The following SOS1 variants were observed in gnomAD, a reference collection of about 807,000 sequenced individuals.
SOS1 encodes the protein SOS Ras/Rac guanine nucleotide exchange factor 1, also known as son of sevenless homolog 1.
In SOS1, 25 loss-of-function variants were observed where a neutral mutation model predicts 157.6. That is an observed-to-expected ratio of 0.16 (90% CI 0.12 to 0.22). The LOEUF is 0.22. Among genes scored for constraint, SOS1 ranks in the 10% least tolerant of loss-of-function variants. The pLI, the probability that SOS1 is intolerant of heterozygous loss-of-function variation, is 1.00. For synonymous variants in SOS1, 528 were observed against 534.0 expected (o/e 0.99, Z 0.16); for missense variants, 1,237 against 1,599.1 (o/e 0.77, Z 3.86).
intron 1 of SOS1, among the ~76,000 whole-genome samples, chr2:39,094,646 C>T (rs1157445479): frequency 2.8e-5 from 3 of 107,250 alleles, no homozygotes; most frequent in African/African-American, 9.9e-5. Flanking sequence ...GAGCAAGACT[C>T]GGTCTCAAAT....
chr2:39,067,812 A>T, intron 1 of SOS1, 59 bp from the exon 2 acceptor site: 2 of 1,503,502 alleles, frequency 1.3e-6, no homozygotes, highest in African/African-American at 1.4e-5. Flanking sequence ...ACAAATTTTT[A>T]AAACTTTAAA....
At chr2:39,001,235 G>C (rs979988553) in intron 17 of SOS1, among the ~76,000 whole-genome samples, 1 of 152,124 alleles carries the variant, frequency 6.6e-6, no homozygotes, top group Non-Finnish European at 1.5e-5. Flanking sequence ...GCTAACTTTT[G>C]TATTTTTAGT....
At chr2:39,049,475 T>A (rs1325775176) in intron 6 of SOS1, among the ~76,000 whole-genome samples, 1 of 152,188 alleles carries the variant, frequency 6.6e-6, no homozygotes, top group African/African-American at 2.4e-5. Context: ...ATGGATCATA[T>A]TCCTTCACTT....
chr2:39,076,932 C>T (rs1425591630), intron 1 of SOS1, among the ~76,000 whole-genome samples: 1 of 151,968 alleles, frequency 6.6e-6, no homozygotes, highest in Non-Finnish European at 1.5e-5. Context: ...TTGAAATAAT[C>T]TATAAAAGAT....
intron 20 of SOS1, among the ~76,000 whole-genome samples, chr2:38,991,274 G>A (rs1318856209): frequency 6.6e-6 from 1 of 151,650 alleles, no homozygotes; most frequent in African/African-American, 2.4e-5. Context: ...ACAAAAGCCT[G>A]GTAAATGCAA....
At chr2:39,009,005 G>A (rs1269411513) in intron 15 of SOS1, among the ~76,000 whole-genome samples, 1 of 151,990 alleles carries the variant, frequency 6.6e-6, no homozygotes, top group Non-Finnish European at 1.5e-5. Flanking sequence ...GCCTGTGAGA[G>A]CAACCAAATG....
Position 39,120,462 on chromosome 2 carries a change from G to A in SOS1, c.-40C>T. 1 of 1,531,090 alleles carries A rather than the reference G, an allele frequency of 6.5e-7. No individual in the cohort carries two copies. Among genetic ancestry groups the A allele is most frequent in the African/African-American group, 1.4e-5 (1 of 70,004 alleles). 94.8% of individuals were successfully genotyped at this position (1,531,090 alleles called of 1,614,324 possible). ...GCCTCTGGGCGGGGAGAGGGGCGGC[G>A]GCGGCCGGGCCAGGGAGCCGCGAGA... is the stretch of plus-strand genomic sequence containing the variant. On this transcript the variant is annotated 5_prime_UTR_variant, in exon 1 of 23. Coordinates refer to ENST00000402219, the MANE Select transcript of SOS1 (RefSeq NM_005633.4).
At chr2:39,110,043 T>TGCGC (rs1322644711) in intron 1 of SOS1, among the ~76,000 whole-genome samples, 1 of 142,954 alleles carries the variant, frequency 7.0e-6, no homozygotes, top group Non-Finnish European at 1.5e-5. Context: ...TGTGTGCGTG[T>TGCGC]GTGTGTGTGT....
intron 2 of SOS1, among the ~76,000 whole-genome samples, chr2:39,059,699 A>C (rs1168971842): frequency 6.6e-6 from 1 of 152,146 alleles, no homozygotes. Context: ...TGGAAAATTA[A>C]AAAAGTGTGA....
intron 21 of SOS1, among the ~76,000 whole-genome samples, chr2:38,988,979 T>C (rs567363357): frequency 1.4e-5 from 2 of 146,438 alleles, no homozygotes; most frequent in Non-Finnish European, 3.0e-5. Flanking sequence ...CATTAAAATA[T>C]ACTTAGAACT....
At chr2:39,072,147 T>A (rs1464443376) in intron 1 of SOS1, among the ~76,000 whole-genome samples, 1 of 152,168 alleles carries the variant, frequency 6.6e-6, no homozygotes, top group South Asian at 2.1e-4. Context: ...CTTATACTCT[T>A]ACTGGGTTAA....
chr2:39,073,589 T>A (rs76393119), intron 1 of SOS1, among the ~76,000 whole-genome samples: 242 of 152,364 alleles, frequency 1.6e-3, no homozygotes, highest in Middle Eastern at 3.4e-3. Context: ...TGATTCTATC[T>A]TGACAGTTCA....
intron 11 of SOS1, 46 bp downstream of exon 11, chr2:39,014,719 T>C (rs1669576119): frequency 1.8e-6 from 2 of 1,094,178 alleles, no homozygotes; most frequent in African/African-American, 1.6e-5. Context: ...TCAATCTCTT[T>C]TTTAACAAAA....
chr2:39,122,447 T>TACACAC (rs70954783), upstream of SOS1, among the ~76,000 whole-genome samples: 270 of 142,206 alleles, frequency 1.9e-3, 3 homozygotes, highest in African/African-American at 6.6e-3. Flanking sequence ...AAAAAAAATA[T>TACACAC]ACACACACAC....
intron 21 of SOS1, among the ~76,000 whole-genome samples, chr2:38,988,447 T>A (rs903950430): frequency 6.6e-6 from 1 of 152,118 alleles, no homozygotes; most frequent in African/African-American, 2.4e-5. Context: ...TAAAAAAAGA[T>A]GTGAAAAAAA....
chr2:39,093,322 G>C (rs1215589860), intron 1 of SOS1, among the ~76,000 whole-genome samples: 3 of 152,114 alleles, frequency 2.0e-5, no homozygotes, highest in Non-Finnish European at 4.4e-5. Context: ...ACAACTTCTA[G>C]TGTTATTGCA....
At chr2:38,990,446 C>T (rs1668697593) in intron 20 of SOS1, among the ~76,000 whole-genome samples, 1 of 152,074 alleles carries the variant, frequency 6.6e-6, no homozygotes, top group Non-Finnish European at 1.5e-5. Flanking sequence ...TGTTGCTCTG[C>T]CGATGATTTT....
At chr2:38,993,421 A>C (rs1042640497) in intron 20 of SOS1, 1 of 152,166 alleles carries the variant, frequency 6.6e-6, no homozygotes, top group East Asian at 1.9e-4. Context: ...TTGGCCTTCC[A>C]AAGTGTTGAA....
intron 4 of SOS1, among the ~76,000 whole-genome samples, chr2:39,055,560 C>A (rs1671185601): frequency 6.6e-6 from 1 of 152,152 alleles, no homozygotes; most frequent in South Asian, 2.1e-4. Context: ...AATACCCAAA[C>A]ATTTGAAATT....
Sources: allele counts gnomAD v4.1 joint callset (sites outside exome capture counted in the v4.1 genomes callset), GRCh38; gene constraint gnomAD v4.1.1; transcripts MANE v1.5; gene names NCBI Gene and HGNC (gene_info 2026-07-23, HGNC 2026-07-21).